Variants in PAN2 observed in about 807,000 individuals in gnomAD.
The protein encoded by PAN2 is poly(A) specific ribonuclease subunit PAN2.
PAN2 carries 68 observed loss-of-function variants against 133.3 expected under a neutral mutation model. That is an observed-to-expected ratio of 0.51 (90% CI 0.42 to 0.62). The LOEUF (loss-of-function observed/expected upper bound fraction) is 0.62. Among genes scored for constraint, PAN2 ranks in the 20% least tolerant of loss-of-function variants. PAN2 has a pLI of 0.00. For missense variants in PAN2, 1,042 were observed against 1,500.5 expected (o/e 0.69, Z 5.05); for synonymous variants, 462 against 544.6 (o/e 0.85, Z 2.11).
intron 2 of PAN2, 62 bp downstream of exon 2, chr12:56,332,751 G>T: frequency 6.5e-7 from 1 of 1,548,008 alleles, no homozygotes; most frequent in South Asian, 1.2e-5. Context: ...AGCTTCCTTG[G>T]GTTAAGACCA....
In PAN2 at chr12:56,318,331, A is replaced by G. The variant is rs201417215; in HGVS notation, c.3468T>C (p.Pro1156=). ...YLELSKNGTE[P]ESFHKVLKGL... ...CCTTGAGCACCTTGTGGAAAGACTC[A>G]GGCTCAGTGCCATTTTTGCTTAGCT... is the stretch of plus-strand genomic sequence containing the variant. Residue 1156 remains proline (P), a synonymous_variant, in exon 25 of 26, where the codon CCT becomes CCC. Transcript: ENST00000440411. 2.6e-4 allele frequency: 426 copies of G among 1,614,082 alleles called. 5 individuals carry two copies. The highest frequency in any genetic ancestry group is 1.7e-5 in the Non-Finnish European group (20 of 1,179,966).
chr12:56,326,705 G>C lies in PAN2; in HGVS notation c.1174C>G (p.Leu392Val). The C allele has an allele frequency of 6.2e-7, 1 of 1,614,064 alleles. No individual in the cohort carries two copies. Among genetic ancestry groups the C allele is most frequent in the Non-Finnish European group, 8.5e-7 (1 of 1,179,990 alleles). ...ACAGGGATGAGGGAAAGAGGCAGCA[G>C]GTCCTGGCTCCAGTCCAGAGGAGGC... The part of the protein sequence containing the change: ...SLPPLDWSQD[L>V]LPLSLIPVPL... Residue 392 changes from leucine (L) to valine (V), a missense_variant, in exon 7 of 26, where the codon CTG becomes GTG. Transcript: ENST00000440411.
intron 4 of PAN2, 44 bp downstream of exon 4, chr12:56,328,194 C>A: frequency 6.3e-7 from 1 of 1,592,356 alleles, no homozygotes; most frequent in Non-Finnish European, 8.6e-7. Flanking sequence ...GCCCCCGCAA[C>A]AACCTCAGAC....
Position 56,326,681 on chromosome 12 carries a change from C to T in PAN2, c.1198G>A (p.Val400Ile), listed in dbSNP as rs140239422. The change falls in exon 7 of 26, where the codon GTC becomes ATC. Residue 400 changes from valine to isoleucine, a missense_variant. This residue lies in a region of PAN2 where 908 missense variants were observed against 1,223.5 expected (regional missense o/e 0.74). Coordinates refer to ENST00000440411, the MANE Select transcript of PAN2 (RefSeq NM_014871.6). Reference protein sequence around the residue: ...QDLLPLSLIPVPLTTDTLLSD... With the variant: ...QDLLPLSLIPIPLTTDTLLSD... Reference sequence around the variant, plus strand: ...AGAAGTGTGTCAGTGGTGAGTGGGACAGGGATGAGGGAAAGAGGCAGCAGG... The same window carrying T: ...AGAAGTGTGTCAGTGGTGAGTGGGATAGGGATGAGGGAAAGAGGCAGCAGG... The T allele has an allele frequency of 3.1e-6, 5 of 1,613,866 alleles. No homozygotes were observed. In the African/African-American group the frequency reaches 4.0e-5, roughly 13 times the overall value.
Position 56,326,637 on chromosome 12 carries a change from G to C in PAN2, c.1242C>G (p.Ala414=). 2.5e-6 allele frequency: 4 copies of C among 1,613,232 alleles called. No individual in the cohort carries two copies. The highest frequency in any genetic ancestry group is 3.4e-6 in the Non-Finnish European group (4 of 1,179,392). Residue 414 remains alanine (A), a synonymous_variant, in exon 7 of 26, where the codon GCC becomes GCG. Transcript: ENST00000440411. The stretch of plus-strand genomic sequence containing the variant: ...ACAACCTGGGAGCTGGAGCAGAGTT[G>C]GCAGCAGGCCAATCAGAGAGAAGTG... ...TDTLLSDWPA[A]NSAPAPRRAP...
intron 20 of PAN2, 57 bp downstream of exon 20, chr12:56,322,021 C>A: frequency 1.1e-6 from 1 of 888,252 alleles, no homozygotes; most frequent in South Asian, 1.4e-5. Flanking sequence ...TCCCAGATCT[C>A]ACCCTGAAGC....
chr12:56,325,209 G>A, intron 9 of PAN2, 81 bp from the exon 10 acceptor site: 3 of 1,579,286 alleles, frequency 1.9e-6, no homozygotes, highest in Non-Finnish European at 2.6e-6. Context: ...CTTTCCTAGA[G>A]CCTTCCTCCT....
chr12:56,325,149 G>A (rs755637714), intron 9 of PAN2, 21 bp from the exon 10 acceptor site: 7 of 1,611,690 alleles, frequency 4.3e-6, no homozygotes, highest in Non-Finnish European at 5.9e-6. Flanking sequence ...AATTGTCTGA[G>A]CAAGACAAGG....
chr12:56,318,805 A>G (rs908375460), intron 24 of PAN2, among the ~76,000 whole-genome samples: 8 of 152,160 alleles, frequency 5.3e-5, no homozygotes, highest in Non-Finnish European at 8.8e-5. Flanking sequence ...ATATGCAAAT[A>G]GTGAACTATG....
Position 56,324,128 on chromosome 12 carries a change from C to T in PAN2, c.1986G>A (p.Glu662=). Residue 662 remains glutamate, a synonymous_variant, in exon 13 of 26, where the codon GAG becomes GAA. Coordinates refer to ENST00000440411, the MANE Select transcript of PAN2 (RefSeq NM_014871.6). ...TGCCACAGCGGCAGAGGCTGCAGTT[C>T]TCCATCTCACAGCTGAAGAGCTGCC... ...VIGQLFSCEM[E]NCSLCRCGSE... The T allele has an allele frequency of 1.2e-6, 2 of 1,614,128 alleles. No homozygotes were observed. The highest frequency in any genetic ancestry group is 1.7e-6 in the Non-Finnish European group (2 of 1,180,032).
chr12:56,332,343 T>C (rs569022999), intron 2 of PAN2, among the ~76,000 whole-genome samples: 1 of 152,272 alleles, frequency 6.6e-6, no homozygotes, highest in Admixed American at 6.5e-5. Context: ...GGCTCACACC[T>C]GTAACCCCAG....
intron 2 of PAN2, among the ~76,000 whole-genome samples, chr12:56,330,353 C>CTTTTTTTTTTTTTT (rs10525866): frequency 1.1e-5 from 1 of 92,622 alleles, no homozygotes; most frequent in African/African-American, 4.3e-5. Context: ...CTGTATTTTT[C>CTTTTTTTTTTTTTT]TTTTTTTTTT....
intron 1 of PAN2, chr12:56,333,430 C>A: frequency 3.1e-6 from 1 of 322,710 alleles, no homozygotes. Context: ...TCCACCACCC[C>A]ATTATCTAAC....
In PAN2 at chr12:56,332,012, C is replaced by T. The variant is rs900150979; in HGVS notation, c.282+801G>A. ...ACAGGAGTGAGCCACCGGTCCCGGC[C>T]GGACAGCACAGTATTTCTTACAAAG... On this transcript the variant is annotated intron_variant, in intron 2 of 25. Transcript: ENST00000440411. Among the ~76,000 whole-genome samples, 3 of 152,086 alleles carry T rather than the reference C, an allele frequency of 2.0e-5. 1 individual carries two copies. The highest frequency in any genetic ancestry group is 4.8e-5 in the African/African-American group (2 of 41,410).
Position 56,327,550 on chromosome 12 carries a change from G to A in PAN2, c.733C>T (p.His245Tyr). 2 of 1,614,164 alleles carry A rather than the reference G, an allele frequency of 1.2e-6. No individual in the cohort carries two copies. The highest frequency in any genetic ancestry group is 2.2e-5 in the South Asian group (2 of 91,090). ...CCACAGGCAGCTAGCAGGTTGCCAT[G>A]CACATCAAAGTCTGACAGACTTCCT... is the stretch of plus-strand genomic sequence containing the variant. ...FSGSLSDFDV[H>Y]GNLLAACGFS... is the part of the protein sequence containing the mutation. Residue 245 changes from histidine to tyrosine, a missense_variant, in exon 6 of 26, where the codon CAT becomes TAT. This residue lies in a region of PAN2 where 908 missense variants were observed against 1,223.5 expected (regional missense o/e 0.74). Transcript: ENST00000440411.
chr12:56,323,117 A>C lies in PAN2; in HGVS notation c.2438T>G (p.Met813Arg), dbSNP rs1361573847. Residue 813 changes from methionine (M) to arginine (R), a missense_variant, in exon 17 of 26, where the codon ATG (methionine) becomes AGG (arginine). Met to Arg is a moderately conservative substitution (Grantham distance 91). Transcript: ENST00000440411. Reference sequence around the variant, plus strand: ...AACATCCAGCCCTTTGTTTTTGGTCATCTTCATGCGAATGGAGAAAGGAAG... The same window carrying C: ...AACATCCAGCCCTTTGTTTTTGGTCCTCTTCATGCGAATGGAGAAAGGAAG... ...VWLPFSIRMKMTKNKGLDVCN... is the reference protein window; with the variant it reads ...VWLPFSIRMKRTKNKGLDVCN... 1 of 1,613,946 alleles carries C rather than the reference A, an allele frequency of 6.2e-7. No individual in the cohort carries two copies. The highest frequency in any genetic ancestry group is 8.5e-7 in the Non-Finnish European group (1 of 1,180,026).
chr12:56,327,118 GT>G (rs1178790932), intron 6 of PAN2, among the ~76,000 whole-genome samples, 159 bp from the exon 7 acceptor site: 3 of 152,172 alleles, frequency 2.0e-5, no homozygotes, highest in Admixed American at 6.5e-5. Flanking sequence ...ACCACAGATG[GT>G]TCGCTACTCA....
At position 56,327,356 on chromosome 12, in the gene PAN2, C is replaced by T. The variant is rs765048801; in HGVS notation, c.919+8G>A. 3.7e-6 allele frequency: 6 copies of T among 1,613,928 alleles called. No individual in the cohort carries two copies. The South Asian group carries it at 6.6e-5, about 18-fold the overall frequency. On this transcript the variant is annotated splice_region_variant and intron_variant, in intron 6 of 25. Coordinates refer to ENST00000440411, the MANE Select transcript of PAN2 (RefSeq NM_014871.6). ...TCCCTCCTACCCAATCCCATATGCCCTTCATACCTGACTGAGAGATGATAG... is the reference window on the plus strand; with the variant it reads ...TCCCTCCTACCCAATCCCATATGCCTTTCATACCTGACTGAGAGATGATAG...
At position 56,325,380 on chromosome 12, in the gene PAN2, T is replaced by C. The variant is rs542419286; in HGVS notation, c.1434A>G (p.Arg478=). 1.8e-4 allele frequency: 285 copies of C among 1,614,208 alleles called. 1 individual carries two copies. The African/African-American group carries it at 3.5e-3, about 20-fold the overall frequency. The change falls in exon 9 of 26, where the codon CGA becomes CGG. Residue 478 remains arginine, a synonymous_variant. Coordinates refer to ENST00000440411, the MANE Select transcript of PAN2 (RefSeq NM_014871.6). The part of the protein sequence containing the change: ...FSQVTESPVG[R]EEEPHLHMVS... ...CCATGTGGAGATGTGGTTCCTCTTC[T>C]CGTCCTACTGGTGACTCAGTGACCT...
Sources: gnomAD v4.1 joint callset for allele counts (sites outside exome capture counted in the v4.1 genomes callset) on GRCh38, gnomAD v4.1.1 for gene constraint, gnomAD v4.1.1 regional missense constraint, MANE v1.5 for transcripts, NCBI Gene and HGNC (gene_info 2026-07-23, HGNC 2026-07-21) for gene names.